Variants in CSMD1 observed in about 807,000 individuals in gnomAD.
CSMD1 encodes CUB and Sushi multiple domains 1, also known as CUB and sushi domain-containing protein 1.
CSMD1 carries 213 observed loss-of-function variants against 417.5 expected under a neutral mutation model. The observed-to-expected ratio is 0.51, with a 90% CI of 0.46 to 0.57. The LOEUF is 0.57. Among genes scored for constraint, CSMD1 ranks in the 20% least tolerant of loss-of-function variants. The pLI is 0.00. For missense variants in CSMD1, 6,923 were observed against 4,529.7 expected, an observed-to-expected ratio of 1.53 and a Z score of -15.17; for synonymous variants, 2,862 against 1,736.8, an observed-to-expected ratio of 1.65 and a Z score of -16.11.
intron 11 of CSMD1, among the ~76,000 whole-genome samples, chr8:3,478,979 C>G (rs1253606198): frequency 6.6e-6 from 1 of 152,010 alleles, no homozygotes; most frequent in South Asian, 2.1e-4. Context: ...GTCCCTCCGA[C>G]CTCCCTCATC....
At chr8:4,447,830 G>T (rs1357008404) in intron 2 of CSMD1, among the ~76,000 whole-genome samples, 1 of 152,152 alleles carries the variant, frequency 6.6e-6, no homozygotes, top group South Asian at 2.1e-4. Context: ...ACGTTTCAAA[G>T]ATTTAAGTGA....
chr8:3,434,774 T>C (rs553492504), intron 12 of CSMD1, among the ~76,000 whole-genome samples: 1 of 152,270 alleles, frequency 6.6e-6, no homozygotes, highest in East Asian at 1.9e-4. Flanking sequence ...CTTGTATTCA[T>C]CTCCTGGAAC....
chr8:4,674,558 C>A (rs1013450634), intron 1 of CSMD1, among the ~76,000 whole-genome samples: 1 of 152,092 alleles, frequency 6.6e-6, no homozygotes, highest in African/African-American at 2.4e-5. Flanking sequence ...TAGTATTGAA[C>A]AAAGATGTAC....
chr8:4,757,743 G>C (rs1242052491), intron 1 of CSMD1, among the ~76,000 whole-genome samples: 2 of 152,054 alleles, frequency 1.3e-5, no homozygotes, highest in South Asian at 4.2e-4. Flanking sequence ...CAGATCACTT[G>C]AGGCCAGGAG....
intron 2 of CSMD1, among the ~76,000 whole-genome samples, chr8:4,612,945 T>C (rs905119519): frequency 8.5e-5 from 13 of 152,178 alleles, no homozygotes; most frequent in African/African-American, 3.1e-4. Flanking sequence ...GAAGAGCTGA[T>C]GCTGTGACAC....
chr8:2,980,258 G>A (rs189048187), intron 54 of CSMD1, among the ~76,000 whole-genome samples: 238 of 152,192 alleles, frequency 1.6e-3, no homozygotes, highest in African/African-American at 5.3e-3. Context: ...AAGGATGACC[G>A]AGAGAAACCA....
chr8:4,458,883 C>G (rs951620108), intron 2 of CSMD1, among the ~76,000 whole-genome samples: 4 of 152,154 alleles, frequency 2.6e-5, no homozygotes, highest in Admixed American at 1.3e-4. Context: ...CACAGTGAAA[C>G]AAGCACAATG....
intron 2 of CSMD1, among the ~76,000 whole-genome samples, chr8:4,608,227 A>G (rs1222674806): frequency 6.6e-6 from 1 of 152,158 alleles, no homozygotes; most frequent in Admixed American, 6.5e-5. Context: ...CCATGGAAGC[A>G]TTTTGAGCTG....
rs77298809 is a variant in CSMD1, at chr8:3,018,228, G to T, written c.8029+249C>A. Among the ~76,000 whole-genome samples the T allele has an allele frequency of 0.015, 2,350 of 152,212 alleles. 21 individuals carry two copies. Among genetic ancestry groups the T allele is most frequent in the East Asian group, 0.038 (197 of 5,176 alleles). The stretch of plus-strand genomic sequence containing the variant: ...AAACCATGATGGCATTTGAGTGCAG[G>T]TACATTCTCAGCACTCTTGCAAGAT... On this transcript the variant is annotated intron_variant, in intron 52 of 69. Transcript: ENST00000635120.
chr8:3,599,203 T>C (rs1240289604), intron 8 of CSMD1, among the ~76,000 whole-genome samples: 2 of 151,726 alleles, frequency 1.3e-5, no homozygotes, highest in African/African-American at 4.9e-5. Context: ...ACTGTATATA[T>C]TTAAAGGTCC....
At chr8:4,630,052 A>G (rs1369157486) in intron 2 of CSMD1, among the ~76,000 whole-genome samples, 2 of 152,190 alleles carry the variant, frequency 1.3e-5, no homozygotes, top group East Asian at 3.8e-4. Flanking sequence ...AAAAAAAGCC[A>G]AGATATGGAA....
chr8:4,627,007 C>G (rs1202475528), intron 2 of CSMD1, among the ~76,000 whole-genome samples: 1 of 152,144 alleles, frequency 6.6e-6, no homozygotes, highest in African/African-American at 2.4e-5. Context: ...GTAATTGCTT[C>G]ATACTCTAAG....
chr8:3,602,730 C>A (rs1801422495), intron 8 of CSMD1, among the ~76,000 whole-genome samples: 1 of 151,908 alleles, frequency 6.6e-6, no homozygotes, highest in Non-Finnish European at 1.5e-5. Flanking sequence ...CACACACACA[C>A]ACACACACAC....
At chr8:3,793,101 G>A (rs1799839548) in intron 5 of CSMD1, among the ~76,000 whole-genome samples, 1 of 152,144 alleles carries the variant, frequency 6.6e-6, no homozygotes, top group African/African-American at 2.4e-5. Context: ...TTCCAAAAGT[G>A]TCTCGAGGAG....
At chr8:3,269,117 G>T (rs1011327272) in intron 26 of CSMD1, among the ~76,000 whole-genome samples, 1 of 152,188 alleles carries the variant, frequency 6.6e-6, no homozygotes, top group African/African-American at 2.4e-5. Flanking sequence ...TAGAACTTCA[G>T]CTAAACCAGC....
At chr8:3,853,928 T>A (rs1246853156) in intron 5 of CSMD1, among the ~76,000 whole-genome samples, 1 of 146,780 alleles carries the variant, frequency 6.8e-6, no homozygotes, top group Non-Finnish European at 1.5e-5. Flanking sequence ...TATAATATAT[T>A]AATATATTAA....
At chr8:3,689,189 G>T (rs1221766507) in intron 7 of CSMD1, among the ~76,000 whole-genome samples, 1 of 152,106 alleles carries the variant, frequency 6.6e-6, no homozygotes, top group Non-Finnish European at 1.5e-5. Flanking sequence ...GACTTTCAGG[G>T]AGCTGCACAC....
intron 3 of CSMD1, among the ~76,000 whole-genome samples, chr8:4,271,225 T>C (rs1804574299): frequency 6.6e-6 from 1 of 152,140 alleles, no homozygotes; most frequent in Non-Finnish European, 1.5e-5. Flanking sequence ...CAATGCGATA[T>C]ACACGAATCA....
rs767234458 is a variant in CSMD1, at chr8:3,408,195, G to A, written c.1775C>T (p.Ser592Phe). The A allele has an allele frequency of 5.0e-6, 8 of 1,609,026 alleles. No individual in the cohort carries two copies. The Admixed American group carries it at 6.7e-5, about 14-fold the overall frequency. Residue 592 changes from serine (S) to phenylalanine (F), a missense_variant, in exon 14 of 70, where the codon TCT (serine) becomes TTT (phenylalanine). Physicochemically the swap from Ser to Phe is radical, Grantham distance 155. Transcript: ENST00000635120. ...ATAATTTGGTGACAGAATAATCCCA[G>A]ATGATGCCGTAAAGTTGAAGAAACA... ...FSCFFNFTAS[S>F]GIILSPNYPE...
Sources: allele counts gnomAD v4.1 joint callset (sites outside exome capture counted in the v4.1 genomes callset), GRCh38; gene constraint gnomAD v4.1.1; transcripts MANE v1.5; gene names NCBI Gene and HGNC (gene_info 2026-07-23, HGNC 2026-07-21).